PRRC2A: variants seen among roughly 807,000 people sequenced by gnomAD.
The protein encoded by PRRC2A is proline rich coiled-coil 2A.
A neutral mutation model predicts 224.6 loss-of-function variants in PRRC2A; 59 were observed. That is an observed-to-expected ratio of 0.26 (90% confidence interval 0.21 to 0.33). The LOEUF is 0.33. PRRC2A is among the 10% of genes least tolerant of loss of function. The pLI, the probability that PRRC2A is intolerant of heterozygous loss-of-function variation, is 1.00. For synonymous variants in PRRC2A, 1,194 were observed against 1,109.5 expected (o/e 1.08, Z -1.51); for missense variants, 3,095 against 2,880.7 (o/e 1.07, Z -1.70).
At position 31,630,680 on chromosome 6, in the gene PRRC2A, A is replaced by G. The variant is rs762915697; in HGVS notation, c.2344A>G (p.Thr782Ala). ...ACCTGCTATGTTACGGGAACGGGGC[A>G]CTCCACCGGTGGATCCAAAGTTGGC... is the stretch of plus-strand genomic sequence containing the variant. Reference protein sequence around the residue: ...HAPAMLRERGTPPVDPKLAWV... With the variant: ...HAPAMLRERGAPPVDPKLAWV... The change falls in exon 15 of 31, where the codon ACT becomes GCT. Residue 782 changes from threonine (T) to alanine (A), a missense_variant. Physicochemically the swap from Thr to Ala is moderately conservative, Grantham distance 58. This residue lies in a region of PRRC2A where 2,001 missense variants were observed against 1,764.9 expected (regional missense o/e 1.13). Transcript: ENST00000376033. 28 of 1,613,778 alleles carry G rather than the reference A, an allele frequency of 1.7e-5. No homozygotes were observed. The highest frequency in any genetic ancestry group is 3.3e-5 in the South Asian group (3 of 91,070).
Position 31,626,970 on chromosome 6 carries a change from A to C in PRRC2A, c.1074-12A>C, listed in dbSNP as rs577305260. The C allele has an allele frequency of 9.0e-5, 146 of 1,614,136 alleles. No homozygotes were observed. In the South Asian group the frequency reaches 1.3e-3, roughly 14 times the overall value. On this transcript the variant is annotated splice_polypyrimidine_tract_variant and intron_variant, in intron 10 of 30. Transcript: ENST00000376033. ...GCAGCTGATTTTAATTTCACTGTTG[A>C]TCTGCTCACAGCAGGGATTCCCAAT...
intron 17 of PRRC2A, 106 bp downstream of exon 17, chr6:31,633,753 G>A (rs777107875): frequency 8.5e-6 from 13 of 1,527,430 alleles, no homozygotes; most frequent in South Asian, 2.6e-5. Context: ...TGCTGGGTGC[G>A]TTTCTGCAGG....
Position 31,628,143 on chromosome 6 carries a change from T to C in PRRC2A, c.1669T>C (p.Ser557Pro). The change falls in exon 12 of 31, where the codon TCT (serine) becomes CCT (proline). Residue 557 changes from serine to proline, a missense_variant. This residue lies in a region of PRRC2A where 2,001 missense variants were observed against 1,764.9 expected (regional missense o/e 1.13). Transcript: ENST00000376033. ...GCCAGCACAGGCCCCTCCTGCCCAA[T>C]CTACTCCTACTCCAGGTGTGGCTGC... Reference protein sequence around the residue: ...EEPAQAPPAQSTPTPGVAAAP... With the variant: ...EEPAQAPPAQPTPTPGVAAAP... 6.2e-7 allele frequency: 1 copy of C among 1,613,088 alleles called. No individual in the cohort carries two copies. The highest frequency in any genetic ancestry group is 8.5e-7 in the Non-Finnish European group (1 of 1,180,014).
Position 31,629,613 on chromosome 6 carries a change from T to C in PRRC2A, c.2022T>C (p.Pro674=), listed in dbSNP as rs779835526. 2.5e-6 allele frequency: 4 copies of C among 1,612,444 alleles called. No individual in the cohort carries two copies. In the Admixed American group the frequency reaches 6.7e-5, roughly 27 times the overall value. The change falls in exon 14 of 31, where the codon CCT becomes CCC. Residue 674 remains proline (P), a synonymous_variant. Coordinates refer to ENST00000376033, the MANE Select transcript of PRRC2A (RefSeq NM_004638.4). ...AGCATCAACAGGGCTCTGCCCCTCC[T>C]ACCCCAGTGCCCCCATCACCACCAC... ...WQQHQQGSAP[P]TPVPPSPPQP...
intron 21 of PRRC2A, 37 bp from the exon 22 acceptor site, chr6:31,635,095 C>T (rs1439441901): frequency 1.2e-6 from 2 of 1,604,956 alleles, no homozygotes; most frequent in Admixed American, 3.4e-5. Flanking sequence ...ATTTCCCTTT[C>T]CCTCCCCCAA....
Position 31,631,358 on chromosome 6 carries a change from G to C in PRRC2A, c.2685G>C (p.Gly895=). The change falls in exon 16 of 31, where the codon GGG becomes GGC. Residue 895 remains glycine (G), a synonymous_variant. Coordinates refer to ENST00000376033, the MANE Select transcript of PRRC2A (RefSeq NM_004638.4). This position sits in a 1 kb window ranked among gnomAD's most constrained non-coding sequence, Gnocchi z 4.5. ...AGGAGGAGACTGCACAGCTGACGGGGCCAGAAGCAGGCCGAAAGCCTGCCC... is the reference window on the plus strand; with the variant it reads ...AGGAGGAGACTGCACAGCTGACGGGCCCAGAAGCAGGCCGAAAGCCTGCCC... ...PPKEETAQLT[G]PEAGRKPARG... is the part of the protein sequence containing the mutation. 6.2e-7 allele frequency: 1 copy of C among 1,602,820 alleles called. No homozygotes were observed. The highest frequency in any genetic ancestry group is 8.5e-7 in the Non-Finnish European group (1 of 1,175,976).
At chr6:31,633,792 A>T (rs1776977545) in intron 17 of PRRC2A, 67 bp from the exon 18 acceptor site, 2 of 1,536,940 alleles carry the variant, frequency 1.3e-6, no homozygotes. Context: ...TGGGAGGTGG[A>T]GTAGAGAGGA....
At position 31,632,478 on chromosome 6, in the gene PRRC2A, A is replaced by G; in HGVS notation, c.3805A>G (p.Arg1269Gly). The G allele has an allele frequency of 6.2e-7, 1 of 1,606,904 alleles. No individual in the cohort carries two copies. The highest frequency in any genetic ancestry group is 8.5e-7 in the Non-Finnish European group (1 of 1,175,830). The change falls in exon 16 of 31, where the codon AGG becomes GGG. Residue 1269 changes from arginine to glycine, a missense_variant. By Grantham distance (125) the Arg-to-Gly change is moderately radical. Coordinates refer to ENST00000376033, the MANE Select transcript of PRRC2A (RefSeq NM_004638.4). ...GAAGCAGGAACGGGAGAATGCCGCAAGGGGGTCTGAGGGCAAGCCCTCCCT... is the reference window on the plus strand; with the variant it reads ...GAAGCAGGAACGGGAGAATGCCGCAGGGGGGTCTGAGGGCAAGCCCTCCCT... Reference protein sequence around the residue: ...RLKQERENAARGSEGKPSLTL... With the variant: ...RLKQERENAAGGSEGKPSLTL...
chr6:31,623,568 C>G (rs1012409336), intron 2 of PRRC2A, among the ~76,000 whole-genome samples, 164 bp from the exon 3 acceptor site: 4 of 152,000 alleles, frequency 2.6e-5, no homozygotes, highest in Non-Finnish European at 5.9e-5. Flanking sequence ...ACAATCAGCG[C>G]GATTTCAGAG....
rs199862513 is a variant in PRRC2A at position 31,635,956 on chromosome 6, C to T, written c.5542-11C>T. 865 of 1,603,792 alleles carry T rather than the reference C, an allele frequency of 5.4e-4. 4 individuals carry two copies. In the African/African-American group the frequency reaches 0.011, roughly 20 times the overall value. On this transcript the variant is annotated splice_polypyrimidine_tract_variant and intron_variant, in intron 24 of 30. Transcript: ENST00000376033. The stretch of plus-strand genomic sequence containing the variant: ...TACTAAAGCTGTTTCAACCGTGCTC[C>T]TCTCCTGCAGATCTCTGGGGGAGCC...
In PRRC2A at chr6:31,623,713, T is replaced by A. The variant is rs1483298515; in HGVS notation, c.113-19T>A. On this transcript the variant is annotated intron_variant, in intron 2 of 30. Coordinates refer to ENST00000376033, the MANE Select transcript of PRRC2A (RefSeq NM_004638.4). ...CCCACATGAGGCATTTTCGACCCTCTCTCCGTCTTGTTCTCCAGTTGCCCC... is the reference window on the plus strand; with the variant it reads ...CCCACATGAGGCATTTTCGACCCTCACTCCGTCTTGTTCTCCAGTTGCCCC... The A allele has an allele frequency of 1.2e-6, 2 of 1,613,256 alleles. No individual in the cohort carries two copies. Among genetic ancestry groups the A allele is most frequent in the East Asian group, 4.5e-5 (2 of 44,884 alleles).
rs1187535984 is a variant in PRRC2A, at chr6:31,633,940, C to T, written c.4670C>T (p.Pro1557Leu). Residue 1557 changes from proline (P) to leucine (L), a missense_variant, in exon 18 of 31, where the codon CCC becomes CTC. Pro to Leu is a moderately conservative substitution (Grantham distance 98, BLOSUM62 -3). Transcript: ENST00000376033. ...GACTCTGCCGGGGTTAGTCCCTTTC[C>T]CCCTAAACGTCGGGAGCGGCCTCCC... Reference protein sequence around the residue: ...PRDSAGVSPFPPKRRERPPRK... With the variant: ...PRDSAGVSPFLPKRRERPPRK... The T allele has an allele frequency of 2.5e-6, 4 of 1,597,784 alleles. No individual in the cohort carries two copies. The East Asian group carries it at 8.9e-5, about 36-fold the overall frequency.
intron 16 of PRRC2A, 136 bp downstream of exon 16, chr6:31,633,128 C>G: frequency 7.8e-7 from 1 of 1,285,710 alleles, no homozygotes; most frequent in Non-Finnish European, 1.0e-6. Context: ...GTAGGATTTC[C>G]ATGTCTGGCT....
At position 31,623,928 on chromosome 6, in the gene PRRC2A, G is replaced by T. The variant is rs1210102688; in HGVS notation, c.290+19G>T. ...CCAAGAGGTAGACAGAGGCTTGGGG[G>T]ACCTAGAGTGATGGGTATTTTAACT... On this transcript the variant is annotated intron_variant, in intron 3 of 30. Coordinates refer to ENST00000376033, the MANE Select transcript of PRRC2A (RefSeq NM_004638.4). The T allele has an allele frequency of 6.2e-7, 1 of 1,611,598 alleles. No homozygotes were observed. Among genetic ancestry groups the T allele is most frequent in the South Asian group, 1.1e-5 (1 of 91,006 alleles).
At chr6:31,630,556 A>C in intron 14 of PRRC2A, 35 bp from the exon 15 acceptor site, 1 of 1,610,280 alleles carries the variant, frequency 6.2e-7, no homozygotes, top group African/African-American at 1.3e-5. Context: ...TGTGACATGA[A>C]TAGGATTATT....
chr6:31,632,975 C>T lies in PRRC2A; in HGVS notation c.4302C>T (p.Pro1434=). 6.3e-7 allele frequency: 1 copy of T among 1,584,190 alleles called. No homozygotes were observed. The highest frequency in any genetic ancestry group is 8.6e-7 in the Non-Finnish European group (1 of 1,164,470). Residue 1434 remains proline (P), a synonymous_variant, in exon 16 of 31, where the codon CCC becomes CCT. Coordinates refer to ENST00000376033, the MANE Select transcript of PRRC2A (RefSeq NM_004638.4). The part of the protein sequence containing the change: ...GPGRGDKRSW[P]SPKNRSRPPE... ...GACGAGGCGACAAGAGGAGCTGGCC[C>T]TCTCCCAAGAACCGAAGGTGGGTAG...
rs1295413696 is a variant in PRRC2A at position 31,625,323 on chromosome 6, C to G, written c.607+9C>G. 1.2e-6 allele frequency: 2 copies of G among 1,613,892 alleles called. No homozygotes were observed. Among genetic ancestry groups the G allele is most frequent in the Non-Finnish European group, 1.7e-6 (2 of 1,180,058 alleles). ...AAGCCTCCGCCCCCAAAGTGAGTGG[C>G]TGCCTTTTGGCCAAGACATTACCTA... On this transcript the variant is annotated intron_variant, in intron 6 of 30. Coordinates refer to ENST00000376033, the MANE Select transcript of PRRC2A (RefSeq NM_004638.4). The surrounding 1 kb of genome is among the most constrained non-coding windows in gnomAD (Gnocchi z 4.1).
intron 12 of PRRC2A, 131 bp downstream of exon 12, chr6:31,628,370 A>G (rs1318917016): frequency 7.2e-7 from 1 of 1,390,404 alleles, no homozygotes; most frequent in African/African-American, 1.5e-5. Flanking sequence ...TATCAGTGAT[A>G]GTGTTCTATC....
chr6:31,637,311 A>C lies in PRRC2A; in HGVS notation c.6320A>C (p.Asp2107Ala), dbSNP rs1224772662. The stretch of plus-strand genomic sequence containing the variant: ...GGAGTCTTCCGCACCCAGCGCGTCG[A>C]CCTTTACCAGCAGGTGAAGGAGAAA... ...YSGVFRTQRVDLYQQASPPDA... is the reference protein window; with the variant it reads ...YSGVFRTQRVALYQQASPPDA... The change falls in exon 30 of 31, where the codon GAC (aspartate) becomes GCC (alanine). Residue 2107 changes from aspartate (D) to alanine (A), a missense_variant. By Grantham distance (126) the Asp-to-Ala change is moderately radical. Around this residue, in one of 8 missense-constraint regions of PRRC2A, gnomAD observed 662 missense variants for 609.5 expected, o/e 1.09. Coordinates refer to ENST00000376033, the MANE Select transcript of PRRC2A (RefSeq NM_004638.4). 1 of 1,611,762 alleles carries C rather than the reference A, an allele frequency of 6.2e-7. No individual in the cohort carries two copies. The highest frequency in any genetic ancestry group is 8.5e-7 in the Non-Finnish European group (1 of 1,178,880).
Sources: gnomAD v4.1 joint callset for allele counts (sites outside exome capture counted in the v4.1 genomes callset) on GRCh38, gnomAD v4.1.1 for gene constraint, gnomAD v4.1.1 regional missense constraint, Gnocchi (gnomAD v3.1) non-coding constraint, MANE v1.5 for transcripts, NCBI Gene and HGNC (gene_info 2026-07-23, HGNC 2026-07-21) for gene names.